Variants in ANO1 observed in about 807,000 individuals in gnomAD.
ANO1 encodes the protein anoctamin 1.
Under a neutral mutation model 124.0 loss-of-function variants are expected in ANO1, and 59 were observed. The observed-to-expected ratio is 0.48, with a 90% CI of 0.39 to 0.59. The LOEUF (loss-of-function observed/expected upper bound fraction) is 0.59, where lower values mean the gene tolerates loss of function less well. ANO1 is among the 20% of genes least tolerant of loss of function. ANO1 has a pLI of 0.00. For missense variants in ANO1, 1,059 were observed against 1,328.0 expected, an observed-to-expected ratio of 0.80 and a Z score of 3.15; for synonymous variants, 529 against 532.0, an observed-to-expected ratio of 0.99 and a Z score of 0.08.
At chr11:69,974,843 G>A in the ANO1 span, among the ~76,000 whole-genome samples, 6 of 150,500 alleles carry the variant, frequency 4.0e-5, no homozygotes, top group Non-Finnish European at 5.9e-5. Flanking sequence ...CAACAGGATC[G>A]GAGTCCGGTT....
chr11:70,016,228 A>G (rs1856701979), intron 1 of ANO1, among the ~76,000 whole-genome samples: 1 of 151,986 alleles, frequency 6.6e-6, no homozygotes, highest in Admixed American at 6.6e-5. Flanking sequence ...GGGTTTCACT[A>G]TGTTGGCCAG....
intron 1 of ANO1, among the ~76,000 whole-genome samples, chr11:70,006,700 C>T (rs1376075533): frequency 7.1e-5 from 7 of 98,884 alleles, no homozygotes; most frequent in Admixed American, 4.7e-4. Context: ...GATGGAGTCT[C>T]ACTCTGTGAC....
At chr11:70,083,592 T>G (rs973205442) in intron 1 of ANO1, among the ~76,000 whole-genome samples, 2 of 152,166 alleles carry the variant, frequency 1.3e-5, no homozygotes, top group Non-Finnish European at 2.9e-5. Context: ...TTCAACTTGA[T>G]AGAGGATTTT....
chr11:70,001,943 G>A (rs1554999343), intron 1 of ANO1, among the ~76,000 whole-genome samples: 3 of 151,990 alleles, frequency 2.0e-5, no homozygotes, highest in Admixed American at 1.3e-4. Context: ...CGGATTACAG[G>A]TGCCCACCAC....
chr11:70,149,931 C>T (rs758465905), intron 12 of ANO1, 139 bp downstream of exon 12: 2 of 849,942 alleles, frequency 2.4e-6, no homozygotes, highest in African/African-American at 3.3e-5. Flanking sequence ...CCCCCATCCC[C>T]CACCCCCTGC....
intron 6 of ANO1, 52 bp downstream of exon 6, chr11:70,108,456 T>G: frequency 6.3e-7 from 1 of 1,582,590 alleles, no homozygotes; most frequent in South Asian, 1.1e-5. Context: ...AGTCGGAATC[T>G]CACCTCCGAG....
At chr11:70,070,456 G>A (rs1158952475) in intron 1 of ANO1, among the ~76,000 whole-genome samples, 1 of 152,196 alleles carries the variant, frequency 6.6e-6, no homozygotes, top group Non-Finnish European at 1.5e-5. Flanking sequence ...GCCAAGGTGG[G>A]CGGGTCACCT....
intron 1 of ANO1, among the ~76,000 whole-genome samples, chr11:70,080,740 A>G (rs1012332694): frequency 7.2e-5 from 11 of 152,232 alleles, no homozygotes; most frequent in African/African-American, 2.7e-4. Flanking sequence ...CACTTCCGTT[A>G]CACATACTTT....
At chr11:69,979,858 A>G in the ANO1 span, among the ~76,000 whole-genome samples, 16 of 152,258 alleles carry the variant, frequency 1.1e-4, no homozygotes, top group East Asian at 3.9e-4. Flanking sequence ...GATGTCATGG[A>G]GAAAGTCTCA....
At chr11:70,095,544 G>A (rs2044914975) in intron 2 of ANO1, among the ~76,000 whole-genome samples, 1 of 152,256 alleles carries the variant, frequency 6.6e-6, no homozygotes. Flanking sequence ...ATCCCAGGCT[G>A]CTGGGGTGAA....
intron 1 of ANO1, among the ~76,000 whole-genome samples, chr11:70,037,646 G>C (rs1006758156): frequency 3.3e-5 from 5 of 152,232 alleles, no homozygotes; most frequent in African/African-American, 4.8e-5. Flanking sequence ...CGCTCCCTGA[G>C]CCTCAGCTTT....
At chr11:70,043,862 T>C (rs1857216758) in intron 1 of ANO1, among the ~76,000 whole-genome samples, 1 of 152,186 alleles carries the variant, frequency 6.6e-6, no homozygotes, top group South Asian at 2.1e-4. Context: ...CAGATGAAAT[T>C]GGGATATACA....
chr11:70,109,702 C>T (rs1465593483), intron 6 of ANO1, among the ~76,000 whole-genome samples: 1 of 152,164 alleles, frequency 6.6e-6, no homozygotes, highest in East Asian at 1.9e-4. Context: ...TCGGTTTCCC[C>T]CCTGGGTCCC....
rs894096634 is a variant in ANO1, at chr11:70,025,924, T to C, written c.58+39758T>C. 2.7e-5 allele frequency among the ~76,000 whole-genome samples: 4 copies of C among 149,134 alleles called. No homozygotes were observed. The South Asian group carries it at 6.4e-4, about 24-fold the overall frequency. Reference sequence around the variant, plus strand: ...ATGATGATGGTGGTGGTGGTGACGATGATGATGGTGCTGGTGGTAGTGGTG... The same window carrying C: ...ATGATGATGGTGGTGGTGGTGACGACGATGATGGTGCTGGTGGTAGTGGTG... On this transcript the variant is annotated intron_variant, in intron 1 of 27. Coordinates refer to the ANO1 transcript ENST00000531349.
At chr11:70,073,185 G>C (rs1390969579) in intron 1 of ANO1, among the ~76,000 whole-genome samples, 2 of 152,186 alleles carry the variant, frequency 1.3e-5, no homozygotes. Context: ...GGCAGAGTGG[G>C]CAGGTGCTGT....
chr11:70,063,459 T>C (rs1857643707), intron 1 of ANO1, among the ~76,000 whole-genome samples: 1 of 152,164 alleles, frequency 6.6e-6, no homozygotes, highest in South Asian at 2.1e-4. Context: ...ATTAAATTAA[T>C]GTGACTCCAA....
chr11:70,182,681 C>G lies in ANO1; in HGVS notation c.2583C>G (p.Ile861Met). The G allele has an allele frequency of 6.3e-7, 1 of 1,584,354 alleles. No individual in the cohort carries two copies. The highest frequency in any genetic ancestry group is 8.6e-7 in the Non-Finnish European group (1 of 1,165,072). Residue 861 changes from isoleucine (I) to methionine (M), a missense_variant, in exon 24 of 26, where the codon ATC becomes ATG. Physicochemically the swap from Ile to Met is conservative, Grantham distance 10 (BLOSUM62 1). Coordinates refer to ENST00000355303, the MANE Select transcript of ANO1 (RefSeq NM_018043.7). ...DPLDLGYEVQ[I>M]CRYKDYREPP... ...TGGACCTGGGCTACGAGGTGCAGATCTGCAGGTACTGCTCTCTGCTCCCCT... is the reference window on the plus strand; with the variant it reads ...TGGACCTGGGCTACGAGGTGCAGATGTGCAGGTACTGCTCTCTGCTCCCCT...
intron 1 of ANO1, chr11:70,020,909 C>G (rs556622153): frequency 6.6e-6 from 1 of 152,250 alleles, no homozygotes. Context: ...GCCCAGTGAC[C>G]ATTCAGCCTC....
chr11:70,108,542 G>C, intron 6 of ANO1, 138 bp downstream of exon 6: 1 of 945,972 alleles, frequency 1.1e-6, no homozygotes, highest in Non-Finnish European at 1.6e-6. Flanking sequence ...AACAGTTCCA[G>C]ACAAGAGGGC....
Sources: gnomAD v4.1 joint callset for allele counts (sites outside exome capture counted in the v4.1 genomes callset) on GRCh38, gnomAD v4.1.1 for gene constraint, MANE v1.5 for transcripts, NCBI Gene and HGNC (gene_info 2026-07-23, HGNC 2026-07-21) for gene names.